DOK6: variants seen among roughly 807,000 people sequenced by gnomAD.
DOK6 encodes downstream of tyrosine kinase 6.
Under a neutral mutation model 44.0 loss-of-function variants are expected in DOK6, and 22 were observed. That is an observed-to-expected ratio of 0.50 (90% CI 0.36 to 0.71). The LOEUF (loss-of-function observed/expected upper bound fraction) is 0.71, where lower values mean the gene tolerates loss of function less well. Among genes scored for constraint, DOK6 ranks in the 30% least tolerant of loss-of-function variants. The pLI, the probability that DOK6 is intolerant of heterozygous loss-of-function variation, is 0.00. For missense variants in DOK6, 340 were observed against 416.4 expected (o/e 0.82, Z 1.60); for synonymous variants, 166 against 145.5 (o/e 1.14, Z -1.01).
In DOK6 at chr18:69,587,332, G is replaced by A. The variant is rs190694733; in HGVS notation, c.175-12052G>A. Among the ~76,000 whole-genome samples the A allele has an allele frequency of 2.1e-3, 314 of 152,158 alleles. 2 individuals are homozygous for A. The highest frequency in any genetic ancestry group is 7.3e-3 in the African/African-American group (303 of 41,522). ...TGGTTCCAGGTCTTCCTTGGTTAGC[G>A]CAACATAACTTCTATCTCTGCCTCC... On this transcript the variant is annotated intron_variant, in intron 2 of 7. Coordinates refer to ENST00000382713, the MANE Select transcript of DOK6 (RefSeq NM_152721.6).
intron 1 of DOK6, among the ~76,000 whole-genome samples, chr18:69,418,698 C>CTA (rs1392980921): frequency 9.2e-5 from 14 of 152,074 alleles, no homozygotes; most frequent in Non-Finnish European, 2.1e-4. Flanking sequence ...TCTTGAACTC[C>CTA]TAGCCTTAAG....
intron 1 of DOK6, among the ~76,000 whole-genome samples, chr18:69,440,040 C>T (rs1265630335): frequency 6.6e-6 from 1 of 152,128 alleles, no homozygotes; most frequent in Admixed American, 6.5e-5. Context: ...CTCTTTGTTT[C>T]ACTTGAACAC....
At chr18:69,834,946 C>CCT (rs1035058492) in intron 7 of DOK6, among the ~76,000 whole-genome samples, 19 of 152,320 alleles carry the variant, frequency 1.2e-4, no homozygotes, top group African/African-American at 4.6e-4. Flanking sequence ...AGAGTCACAT[C>CCT]TTCCTTGGCC....
At chr18:69,819,055 A>G (rs932734439) in intron 7 of DOK6, among the ~76,000 whole-genome samples, 1 of 152,222 alleles carries the variant, frequency 6.6e-6, no homozygotes, top group African/African-American at 2.4e-5. Context: ...TTGCTATCAG[A>G]GAATGTTCAC....
At chr18:69,719,457 G>A (rs1020815248) in intron 5 of DOK6, among the ~76,000 whole-genome samples, 2 of 152,134 alleles carry the variant, frequency 1.3e-5, no homozygotes, top group African/African-American at 2.4e-5. Flanking sequence ...GGAGCAACTG[G>A]GGAAGTTACA....
chr18:69,507,521 G>A (rs192361126), intron 1 of DOK6, among the ~76,000 whole-genome samples: 45 of 152,128 alleles, frequency 3.0e-4, no homozygotes, highest in African/African-American at 9.6e-4. Context: ...TCTAAAATAT[G>A]AAGACTATAT....
intron 1 of DOK6, among the ~76,000 whole-genome samples, chr18:69,515,694 T>C (rs906636804): frequency 6.6e-6 from 1 of 152,218 alleles, no homozygotes; most frequent in Non-Finnish European, 1.5e-5. Context: ...GAAAGATATA[T>C]GGTTCCTAAT....
intron 3 of DOK6, among the ~76,000 whole-genome samples, chr18:69,654,472 G>T (rs1985311867): frequency 1.3e-5 from 2 of 152,114 alleles, no homozygotes; most frequent in African/African-American, 4.8e-5. Flanking sequence ...CTCTGGACTT[G>T]AATTTTTTGC....
At chr18:69,428,212 T>C (rs1454780846) in intron 1 of DOK6, among the ~76,000 whole-genome samples, 1 of 152,032 alleles carries the variant, frequency 6.6e-6, no homozygotes, top group Non-Finnish European at 1.5e-5. Flanking sequence ...AGAAAATAGA[T>C]TATAAAATAT....
Position 69,841,651 on chromosome 18 carries a change from C to A in DOK6, c.*268C>A, listed in dbSNP as rs1033111379. ...AACAGTTATTTAAATAAACAAAATT[C>A]TTTGGGTCTGACAGTAACAGAAACC... On this transcript the variant is annotated 3_prime_UTR_variant, in exon 8 of 8. Coordinates refer to ENST00000382713, the MANE Select transcript of DOK6 (RefSeq NM_152721.6). 4.9e-5 allele frequency: 19 copies of A among 391,666 alleles called. No individual in the cohort carries two copies. Among genetic ancestry groups the A allele is most frequent in the East Asian group, 1.9e-4 (4 of 21,396 alleles). The allele number at this position is 391,666 out of a possible 1,614,324, so 24.3% of individuals were successfully genotyped here.
chr18:69,716,535 C>T (rs932194360), intron 5 of DOK6, among the ~76,000 whole-genome samples: 10 of 152,042 alleles, frequency 6.6e-5, no homozygotes, highest in Admixed American at 1.3e-4. Flanking sequence ...TACAGGTTCT[C>T]TTAATTCTAT....
At position 69,845,976 on chromosome 18, in the gene DOK6, G is replaced by A. The variant is rs141386978; in HGVS notation, c.*4593G>A. 2.6e-5 allele frequency: 4 copies of A among 152,122 alleles called. No homozygotes were observed. Among genetic ancestry groups the A allele is most frequent in the Admixed American group, 6.5e-5 (1 of 15,278 alleles). 9.4% of individuals were successfully genotyped at this position (152,122 alleles called of 1,614,324 possible). A position where few individuals can be genotyped will look rare whatever the true frequency, so the allele number is the denominator to read the frequency against. Reference sequence around the variant, plus strand: ...TAAATTATCGGTGAGACTGGTGTGCGGGGCTGGATCTGTGAGACAAGCTCA... The same window carrying A: ...TAAATTATCGGTGAGACTGGTGTGCAGGGCTGGATCTGTGAGACAAGCTCA... On this transcript the variant is annotated 3_prime_UTR_variant, in exon 8 of 8. Transcript: ENST00000382713.
At chr18:69,401,575 G>C (rs1916100886) in intron 1 of DOK6, among the ~76,000 whole-genome samples, 1 of 152,180 alleles carries the variant, frequency 6.6e-6, no homozygotes, top group Admixed American at 6.5e-5. Flanking sequence ...GAAGTCAGTA[G>C]ACGAAAGGGG....
intron 3 of DOK6, among the ~76,000 whole-genome samples, chr18:69,612,468 T>TGTGCGA (rs1351653077): frequency 1.3e-5 from 2 of 149,724 alleles, no homozygotes; most frequent in East Asian, 4.0e-4. Context: ...CGTGCATATG[T>TGTGCGA]ATTTCTTGCT....
chr18:69,728,760 T>C (rs1466859174), intron 5 of DOK6, among the ~76,000 whole-genome samples: 2 of 152,180 alleles, frequency 1.3e-5, no homozygotes, highest in East Asian at 3.8e-4. Context: ...TCTTACCTTC[T>C]CAACTACAAG....
intron 6 of DOK6, among the ~76,000 whole-genome samples, chr18:69,744,925 T>TAAAAA (rs58133144): frequency 1.1e-4 from 10 of 89,794 alleles, no homozygotes; most frequent in East Asian, 6.5e-4. Flanking sequence ...ACACTCCATC[T>TAAAAA]AAAAAAAAAA....
chr18:69,598,815 A>G (rs991345249), intron 2 of DOK6, among the ~76,000 whole-genome samples: 5 of 151,980 alleles, frequency 3.3e-5, no homozygotes, highest in African/African-American at 1.2e-4. Context: ...TGGGTGCATA[A>G]ATCTTGGATG....
intron 3 of DOK6, chr18:69,661,853 T>C (rs915377462): frequency 2.0e-5 from 3 of 152,222 alleles, no homozygotes; most frequent in Admixed American, 6.5e-5. Context: ...TGTAAATACA[T>C]GCTACAGATG....
At position 69,811,527 on chromosome 18, in the gene DOK6, T is replaced by TATAC. The variant is rs1305974861; in HGVS notation, c.857-29714_857-29713insCATA. ...TTAGCTTGATTTAACCATTCCATTA[T>TATAC]ATATATATATATATATATATATATA... On this transcript the variant is annotated intron_variant, in intron 7 of 7. Coordinates refer to ENST00000382713, the MANE Select transcript of DOK6 (RefSeq NM_152721.6). Among the ~76,000 whole-genome samples the TATAC allele has an allele frequency of 5.7e-3, 29 of 5,092 alleles. 1 individual carries two copies. The highest frequency in any genetic ancestry group is 0.013 in the African/African-American group (29 of 2,276). 3.3% of individuals were successfully genotyped at this position (5,092 alleles called of 152,430 possible).
Sources: gnomAD v4.1 joint callset for allele counts (sites outside exome capture counted in the v4.1 genomes callset) on GRCh38, gnomAD v4.1.1 for gene constraint, MANE v1.5 for transcripts, NCBI Gene and HGNC (gene_info 2026-07-23, HGNC 2026-07-21) for gene names.